CLEC2A: variants seen among roughly 807,000 people sequenced by gnomAD.
CLEC2A encodes keratinocyte-associated C-type lectin.
Under a neutral mutation model 18.6 loss-of-function variants are expected in CLEC2A, and 19 were observed. The observed-to-expected ratio is 1.02, with a 90% CI of 0.71 to 1.50. The LOEUF (loss-of-function observed/expected upper bound fraction) is 1.50. CLEC2A is among the 40% of genes most tolerant of loss of function. The pLI is 0.00. For missense variants in CLEC2A, 190 were observed against 207.9 expected, an observed-to-expected ratio of 0.91 and a Z score of 0.53; for synonymous variants, 74 against 64.0, an observed-to-expected ratio of 1.16 and a Z score of -0.75.
At chr12:9,908,621 G>A (rs1862937609), downstream of CLEC2A, among the ~76,000 whole-genome samples, 2 of 152,092 alleles carry the variant, frequency 1.3e-5, no homozygotes, top group South Asian at 4.1e-4. Context: ...CAGAGCCCCT[G>A]GCCCCCCCTA....
chr12:9,908,282 G>A (rs962473732), downstream of CLEC2A, among the ~76,000 whole-genome samples: 1 of 152,330 alleles, frequency 6.6e-6, no homozygotes. Flanking sequence ...TTAGTGAGGT[G>A]AGGAATCCCT....
intron 2 of CLEC2A, 38 bp from the exon 3 acceptor site, chr12:9,922,270 T>G: frequency 6.8e-7 from 1 of 1,459,888 alleles, no homozygotes; most frequent in Non-Finnish European, 9.1e-7. Flanking sequence ...ATAAAGCATA[T>G]GTTAAAAAGT....
chr12:9,891,943 C>G, the CLEC2A span, among the ~76,000 whole-genome samples: 19 of 151,942 alleles, frequency 1.3e-4, no homozygotes, highest in African/African-American at 4.6e-4. Context: ...AATATTTAAT[C>G]CAGCCATTCA....
At chr12:9,899,126 A>C (rs886136020) in intron 4 of CLEC2A, 4 of 537,678 alleles carry the variant, frequency 7.4e-6, no homozygotes, top group Admixed American at 3.0e-5. Flanking sequence ...CTAGTAAAAA[A>C]AAAAAAAAAT....
At chr12:9,878,860 C>T in the CLEC2A span, among the ~76,000 whole-genome samples, 7 of 152,282 alleles carry the variant, frequency 4.6e-5, no homozygotes, top group South Asian at 1.5e-3. Context: ...GATTTCCTCT[C>T]TTCAAGGTCA....
the CLEC2A span, among the ~76,000 whole-genome samples, chr12:9,883,736 A>G: frequency 6.6e-6 from 1 of 152,244 alleles, no homozygotes; most frequent in Non-Finnish European, 1.5e-5. Context: ...TAATACAGAC[A>G]ATTGAGTAGC....
At chr12:9,880,471 T>C in the CLEC2A span, among the ~76,000 whole-genome samples, 1 of 152,024 alleles carries the variant, frequency 6.6e-6, no homozygotes, top group Non-Finnish European at 1.5e-5. Context: ...CGGTGTTAAA[T>C]CAATGGATTG....
chr12:9,894,120 T>C (rs1862723974), downstream of CLEC2A, among the ~76,000 whole-genome samples: 1 of 108,706 alleles, frequency 9.2e-6, no homozygotes, highest in Non-Finnish European at 1.8e-5. Context: ...TTTTTCTTTC[T>C]TTTCTTTCTC....
At chr12:9,894,980 A>G (rs1184229811), downstream of CLEC2A, among the ~76,000 whole-genome samples, 2 of 152,160 alleles carry the variant, frequency 1.3e-5, no homozygotes, top group East Asian at 3.8e-4. Flanking sequence ...AACAGTGTTC[A>G]GTCTGTATTT....
At chr12:9,881,790 T>C in the CLEC2A span, 1 of 743,156 alleles carries the variant, frequency 1.3e-6, no homozygotes, top group Non-Finnish European at 2.2e-6. Flanking sequence ...TGGTCATAAA[T>C]TGTCTGTTAG....
At chr12:9,931,236 G>C (rs1173718526) in intron 1 of CLEC2A, among the ~76,000 whole-genome samples, 2 of 152,096 alleles carry the variant, frequency 1.3e-5, no homozygotes, top group South Asian at 4.1e-4. Flanking sequence ...TGGCTAAAGG[G>C]ATGGAATCTT....
intron 4 of CLEC2A, among the ~76,000 whole-genome samples, chr12:9,907,836 C>T (rs1017651448): frequency 2.6e-5 from 4 of 152,044 alleles, no homozygotes; most frequent in Non-Finnish European, 2.9e-5. Context: ...AAATATGTCC[C>T]GACTGTCCTC....
At position 9,931,354 on chromosome 12, in the gene CLEC2A, T is replaced by G. The variant is rs1239435116; in HGVS notation, c.55+921A>C. Among the ~76,000 whole-genome samples the G allele has an allele frequency of 1.8e-4, 27 of 152,176 alleles. 1 individual carries two copies. The highest frequency in any genetic ancestry group is 1.7e-3 in the Admixed American group (26 of 15,282). On this transcript the variant is annotated intron_variant, in intron 1 of 4. Transcript: ENST00000455827. ...AAGAGTTCGTAACTATGACCAATAG[T>G]TAGAATATACAACGAAGTAAATTTA...
At chr12:9,895,891 CTT>C (rs1167460130), downstream of CLEC2A, 3 of 1,423,398 alleles carry the variant, frequency 2.1e-6, no homozygotes, top group Non-Finnish European at 2.7e-6. Flanking sequence ...ATTTTAAAGA[CTT>C]AAGATTTTTA....
intron 1 of CLEC2A, among the ~76,000 whole-genome samples, chr12:9,929,551 CA>C (rs971699698): frequency 6.6e-6 from 1 of 152,070 alleles, no homozygotes; most frequent in Non-Finnish European, 1.5e-5. Context: ...GACTTTCTTT[CA>C]AAAAATTTTA....
At position 9,932,228 on chromosome 12, in the gene CLEC2A, GT is replaced by G. The variant is rs750406504; in HGVS notation, c.55+46del. The G allele has an allele frequency of 3.0e-6, 4 of 1,354,852 alleles. No individual in the cohort carries two copies. In the African/African-American group the frequency reaches 4.3e-5, roughly 15 times the overall value. 83.9% of individuals were successfully genotyped at this position (1,354,852 alleles called of 1,614,324 possible). A position where few individuals can be genotyped will look rare whatever the true frequency, so the allele number is the denominator to read the frequency against. Reference sequence around the variant, plus strand: ...ATATTTTTAAGCTGTCCTGTATTTTGTTTTATCTTTCCTTTACTTCCTTCTC... The same window carrying G: ...ATATTTTTAAGCTGTCCTGTATTTTGTTTATCTTTCCTTTACTTCCTTCTC... On this transcript the variant is annotated intron_variant, in intron 1 of 4. Coordinates refer to ENST00000455827, the MANE Select transcript of CLEC2A (RefSeq NM_001130711.2).
downstream of CLEC2A, among the ~76,000 whole-genome samples, chr12:9,893,930 T>C (rs1256093131): frequency 6.6e-6 from 1 of 152,174 alleles, no homozygotes; most frequent in Non-Finnish European, 1.5e-5. Context: ...CTGGAATGTG[T>C]AGAAAGGTCT....
intron 4 of CLEC2A, among the ~76,000 whole-genome samples, chr12:9,906,963 T>C (rs537724136): frequency 1.3e-5 from 2 of 152,346 alleles, no homozygotes; most frequent in South Asian, 4.1e-4. Flanking sequence ...TTTAAGATGC[T>C]TGAGTCAGTG....
At chr12:9,899,381 G>C (rs903237264) in intron 4 of CLEC2A, among the ~76,000 whole-genome samples, 9 of 152,136 alleles carry the variant, frequency 5.9e-5, no homozygotes, top group East Asian at 1.9e-4. Context: ...TGTGAAGAGA[G>C]AACAGAGGAG....
Sources: gnomAD v4.1 joint callset for allele counts (sites outside exome capture counted in the v4.1 genomes callset) on GRCh38, gnomAD v4.1.1 for gene constraint, MANE v1.5 for transcripts, NCBI Gene and HGNC (gene_info 2026-07-23, HGNC 2026-07-21) for gene names.